The following NFASC variants were observed in gnomAD, a reference collection of about 807,000 sequenced individuals.
NFASC encodes the protein neurofascin.
A neutral mutation model predicts 147.5 loss-of-function variants in NFASC; 43 were observed. That is an observed-to-expected ratio of 0.29 (90% CI 0.23 to 0.38). The LOEUF is 0.38. Among genes scored for constraint, NFASC ranks in the 10% least tolerant of loss-of-function variants. The pLI is 1.00. For synonymous variants in NFASC, 622 were observed against 665.5 expected (o/e 0.93, Z 1.01); for missense variants, 1,320 against 1,689.0 (o/e 0.78, Z 3.83).
In NFASC at chr1:204,905,480, A is replaced by G. The variant is rs146978342; in HGVS notation, c.-199-15152A>G. The stretch of plus-strand genomic sequence containing the variant: ...TGACTTTGAACGTCTTTTTATATGT[A>G]TGTTAGCCATTTGTGTATCTTCTTG... On this transcript the variant is annotated intron_variant, in intron 1 of 29. Transcript: ENST00000339876. Among the ~76,000 whole-genome samples the G allele has an allele frequency of 8.4e-3, 1,268 of 151,712 alleles. 10 individuals are homozygous for G. Among genetic ancestry groups the G allele is most frequent in the Non-Finnish European group, 0.013 (890 of 67,934 alleles).
At position 204,979,835 on chromosome 1, in the gene NFASC, G is replaced by A. The variant is rs1368474520; in HGVS notation, c.2176+276G>A. 6.6e-6 allele frequency among the ~76,000 whole-genome samples: 1 copy of A among 152,188 alleles called. No homozygotes were observed. Among genetic ancestry groups the A allele is most frequent in the Non-Finnish European group, 1.5e-5 (1 of 68,038 alleles). On this transcript the variant is annotated intron_variant, in intron 19 of 29. Transcript: ENST00000339876. This position sits in a 1 kb window ranked among gnomAD's most constrained non-coding sequence, Gnocchi z 6.0. Reference sequence around the variant, plus strand: ...TATTATTAGTAATTCTTGATTATCTGCTTTAAAGGGGAGAGCTGTGGCAAA... The same window carrying A: ...TATTATTAGTAATTCTTGATTATCTACTTTAAAGGGGAGAGCTGTGGCAAA...
intron 1 of NFASC, among the ~76,000 whole-genome samples, chr1:204,865,700 C>G (rs1254596776): frequency 6.6e-6 from 1 of 152,186 alleles, no homozygotes. Context: ...GTTTTGAAAT[C>G]AGGAAATGTG....
Position 205,015,949 on chromosome 1 carries a change from C to A in NFASC, c.3492-359C>A, listed in dbSNP as rs919495800. ...ACAGTGACACACTCGGGACTAGAAC[C>A]ATTCCATGTGGTCTCACAAGCAGTG... On this transcript the variant is annotated intron_variant, in intron 29 of 29. Coordinates refer to ENST00000339876, the MANE Select transcript of NFASC (RefSeq NM_001005388.3). The surrounding 1 kb of genome is among the most constrained non-coding windows in gnomAD (Gnocchi z 4.0). Among the ~76,000 whole-genome samples the A allele has an allele frequency of 1.3e-5, 2 of 152,144 alleles. No homozygotes were observed. The highest frequency in any genetic ancestry group is 2.9e-5 in the Non-Finnish European group (2 of 68,032).
chr1:204,859,130 A>C (rs1363086502), intron 1 of NFASC, among the ~76,000 whole-genome samples: 1 of 152,072 alleles, frequency 6.6e-6, no homozygotes, highest in African/African-American at 2.4e-5. Context: ...GGCGCATGCC[A>C]ACACGCCTGG....
At chr1:204,903,114 G>A (rs2085021689) in intron 1 of NFASC, among the ~76,000 whole-genome samples, 1 of 152,130 alleles carries the variant, frequency 6.6e-6, no homozygotes, top group Non-Finnish European at 1.5e-5. Context: ...CTAGATGATT[G>A]CCAAGTCCCC....
intron 1 of NFASC, among the ~76,000 whole-genome samples, chr1:204,837,592 C>G (rs748627984): frequency 6.6e-6 from 1 of 152,176 alleles, no homozygotes; most frequent in African/African-American, 2.4e-5. Flanking sequence ...CTGGTGGTTT[C>G]TGAGGGGATA....
intron 21 of NFASC, among the ~76,000 whole-genome samples, chr1:204,982,458 C>T (rs1202407752): frequency 6.6e-6 from 1 of 152,202 alleles, no homozygotes; most frequent in African/African-American, 2.4e-5. Context: ...GGAAGCAGGG[C>T]AGCTGGCCAG....
intron 1 of NFASC, among the ~76,000 whole-genome samples, chr1:204,918,221 G>C (rs1215739266): frequency 1.3e-5 from 2 of 152,110 alleles, no homozygotes; most frequent in East Asian, 3.8e-4. Flanking sequence ...TTTCTTGTGG[G>C]GCATAAGGTA....
intron 24 of NFASC, among the ~76,000 whole-genome samples, chr1:204,995,856 G>A (rs762709471): frequency 1.1e-4 from 17 of 151,958 alleles, no homozygotes; most frequent in Non-Finnish European, 1.6e-4. Flanking sequence ...CCCCTTTCTC[G>A]GGGATATTAT....
At chr1:205,004,801 A>G (rs2096070821) in intron 27 of NFASC, among the ~76,000 whole-genome samples, 1 of 152,164 alleles carries the variant, frequency 6.6e-6, no homozygotes, top group South Asian at 2.1e-4. Context: ...TGAGTGCGCT[A>G]TAGCAGTTCA....
At chr1:204,948,631 T>G in intron 3 of NFASC, 1 of 519,070 alleles carries the variant, frequency 1.9e-6, no homozygotes, top group South Asian at 1.4e-5. Flanking sequence ...CTGGGAGAGC[T>G]GGTTCTCCTT....
intron 1 of NFASC, among the ~76,000 whole-genome samples, chr1:204,843,446 T>C (rs978739391): frequency 1.3e-5 from 2 of 152,200 alleles, no homozygotes; most frequent in African/African-American, 4.8e-5. Context: ...GATCTTATTT[T>C]GACTTTTCTA....
intron 20 of NFASC, among the ~76,000 whole-genome samples, chr1:204,980,812 G>A (rs1197278643): frequency 6.6e-6 from 1 of 152,160 alleles, no homozygotes; most frequent in African/African-American, 2.4e-5. Flanking sequence ...GTTCTGGTGT[G>A]TCCTAGGGCC....
At chr1:204,949,693 TC>T (rs1558214857) in intron 3 of NFASC, among the ~76,000 whole-genome samples, 1 of 151,992 alleles carries the variant, frequency 6.6e-6, no homozygotes, top group Non-Finnish European at 1.5e-5. Context: ...AAAGGCAGAG[TC>T]CCAGGCCCCA....
At chr1:204,881,647 C>T (rs1215520698) in intron 1 of NFASC, among the ~76,000 whole-genome samples, 1 of 152,118 alleles carries the variant, frequency 6.6e-6, no homozygotes, top group Non-Finnish European at 1.5e-5. Context: ...ACCACGGGTT[C>T]CTGAAGAACA....
At chr1:204,914,077 GA>G (rs1450745453) in intron 1 of NFASC, among the ~76,000 whole-genome samples, 1 of 151,798 alleles carries the variant, frequency 6.6e-6, no homozygotes, top group African/African-American at 2.4e-5. Context: ...ATAAAGTCAG[GA>G]AAAAAAATAA....
At chr1:204,916,429 A>C (rs1452419967) in intron 1 of NFASC, among the ~76,000 whole-genome samples, 4 of 152,242 alleles carry the variant, frequency 2.6e-5, no homozygotes, top group African/African-American at 9.6e-5. Flanking sequence ...ATATCTGTCC[A>C]TCTATCCTCA....
chr1:205,009,275 C>T (rs967474196), intron 27 of NFASC: 5 of 533,722 alleles, frequency 9.4e-6, no homozygotes, highest in Non-Finnish European at 1.4e-5. Context: ...TGCTTCATCC[C>T]TATGACACTT....
At chr1:204,962,381 A>G (rs1274777539) in intron 8 of NFASC, among the ~76,000 whole-genome samples, 1 of 152,228 alleles carries the variant, frequency 6.6e-6, no homozygotes, top group East Asian at 1.9e-4. Context: ...CAAGTTGCTG[A>G]ATTCTCAACA....
Sources: gnomAD v4.1 joint callset for allele counts (sites outside exome capture counted in the v4.1 genomes callset) on GRCh38, gnomAD v4.1.1 for gene constraint, Gnocchi (gnomAD v3.1) non-coding constraint, MANE v1.5 for transcripts, NCBI Gene and HGNC (gene_info 2026-07-23, HGNC 2026-07-21) for gene names.